The following CRYBG3 variants were observed in gnomAD, a reference collection of about 807,000 sequenced individuals.
CRYBG3 encodes the protein very large A-kinase anchor protein.
Under a neutral mutation model 244.2 loss-of-function variants are expected in CRYBG3, and 127 were observed. That is an observed-to-expected ratio of 0.52 (90% CI 0.45 to 0.60). The LOEUF (loss-of-function observed/expected upper bound fraction) is 0.60, where lower values mean the gene tolerates loss of function less well. Ranked by LOEUF, CRYBG3 falls within the 20% of genes least tolerant of loss-of-function variation. The probability of loss-of-function intolerance (pLI) is 0.00; values close to 1 mark genes in which losing one functional copy is unlikely to be tolerated. For synonymous variants in CRYBG3, 1,132 were observed against 1,195.8 expected (o/e 0.95, Z 1.10); for missense variants, 3,325 against 3,442.5 (o/e 0.97, Z 0.85).
intron 1 of CRYBG3, among the ~76,000 whole-genome samples, chr3:97,839,770 C>G (rs1384473964): frequency 6.9e-6 from 1 of 145,074 alleles, no homozygotes; most frequent in South Asian, 2.1e-4. Flanking sequence ...TTTTTTTTGT[C>G]AAGACAAGGT....
intron 15 of CRYBG3, among the ~76,000 whole-genome samples, chr3:97,907,400 A>G (rs2039790375): frequency 6.6e-6 from 1 of 151,786 alleles, no homozygotes; most frequent in African/African-American, 2.4e-5. Flanking sequence ...TTGGTAATCT[A>G]TTGATTATTG....
chr3:97,892,371 C>G (rs1053490496), intron 10 of CRYBG3, among the ~76,000 whole-genome samples: 1 of 152,074 alleles, frequency 6.6e-6, no homozygotes, highest in Non-Finnish European at 1.5e-5. Context: ...CAAATTGACG[C>G]GGATGGTCTG....
intron 7 of CRYBG3, among the ~76,000 whole-genome samples, chr3:97,885,486 T>C (rs1210249923): frequency 6.6e-6 from 1 of 152,080 alleles, no homozygotes; most frequent in African/African-American, 2.4e-5. Context: ...TACTCATGAG[T>C]ATTGAGATAG....
intron 18 of CRYBG3, among the ~76,000 whole-genome samples, chr3:97,936,281 T>C (rs536155056): frequency 1.3e-5 from 2 of 151,980 alleles, no homozygotes; most frequent in Non-Finnish European, 2.9e-5. Context: ...GAGCTGGGCC[T>C]TGAAGAGGGT....
chr3:97,871,038 A>G (rs1432298556), intron 3 of CRYBG3, among the ~76,000 whole-genome samples: 1 of 152,176 alleles, frequency 6.6e-6, no homozygotes. Context: ...TGCTGGCATT[A>G]AAGGGCAGAG....
chr3:97,848,657 C>T (rs950520746), intron 2 of CRYBG3, among the ~76,000 whole-genome samples: 2 of 152,106 alleles, frequency 1.3e-5, no homozygotes, highest in Non-Finnish European at 2.9e-5. Context: ...AACTCCTGGG[C>T]TCAAGCAATT....
intron 2 of CRYBG3, among the ~76,000 whole-genome samples, chr3:97,856,087 C>T (rs572975904): frequency 1.3e-5 from 2 of 152,128 alleles, no homozygotes; most frequent in African/African-American, 4.8e-5. Context: ...CCATAAGATA[C>T]GGGCACACCT....
At chr3:97,919,626 G>A (rs570583555) in intron 17 of CRYBG3, among the ~76,000 whole-genome samples, 2 of 151,160 alleles carry the variant, frequency 1.3e-5, no homozygotes, top group South Asian at 4.2e-4. Context: ...TCATGCCTAA[G>A]GAAGTTTAAG....
Position 97,944,272 on chromosome 3 carries a change from TTAAG to T in CRYBG3, c.*966_*969del, listed in dbSNP as rs1370379298. 15 of 151,980 alleles carry T rather than the reference TTAAG, an allele frequency of 9.9e-5. No individual in the cohort carries two copies. The highest frequency in any genetic ancestry group is 1.9e-4 in the Non-Finnish European group (13 of 67,898). The allele number at this position is 151,980 out of a possible 1,614,324, so 9.4% of individuals were successfully genotyped here. A position where few individuals can be genotyped will look rare whatever the true frequency, so the allele number is the denominator to read the frequency against. On this transcript the variant is annotated 3_prime_UTR_variant, in exon 22 of 22. Transcript: ENST00000389622. ...CACTCCCATTGTAAGTAACTTTTAT[TTAAG>T]TAAGTAAAATCAGGTAGGAAATCAC...
intron 15 of CRYBG3, among the ~76,000 whole-genome samples, chr3:97,906,159 C>A (rs201421665): frequency 1.4e-5 from 2 of 147,988 alleles, no homozygotes; most frequent in Non-Finnish European, 3.0e-5. Flanking sequence ...CTTGTAGTAT[C>A]GTTTGAAGTC....
chr3:97,908,362 T>G (rs994259167), intron 15 of CRYBG3, among the ~76,000 whole-genome samples: 9 of 152,178 alleles, frequency 5.9e-5, no homozygotes, highest in Admixed American at 1.3e-4. Flanking sequence ...AAGTCTCCCA[T>G]TATTAATATG....
intron 1 of CRYBG3, among the ~76,000 whole-genome samples, chr3:97,822,918 A>G (rs1211648253): frequency 2.0e-5 from 3 of 152,220 alleles, no homozygotes; most frequent in Admixed American, 2.0e-4. Context: ...TTTAAAAGGA[A>G]TTGTGATAAT....
chr3:97,839,701 C>T (rs2038785286), intron 1 of CRYBG3, among the ~76,000 whole-genome samples: 3 of 151,372 alleles, frequency 2.0e-5, no homozygotes, highest in Admixed American at 1.3e-4. Context: ...AGGTGGAGTA[C>T]AGTGGCGTCC....
At chr3:97,931,710 C>T (rs1028564972) in intron 17 of CRYBG3, among the ~76,000 whole-genome samples, 6 of 152,098 alleles carry the variant, frequency 3.9e-5, no homozygotes, top group African/African-American at 1.4e-4. Flanking sequence ...CAAGCCATGA[C>T]TTTTCACATT....
chr3:97,923,178 G>C (rs1377330450), intron 17 of CRYBG3, among the ~76,000 whole-genome samples: 1 of 152,048 alleles, frequency 6.6e-6, no homozygotes, highest in Non-Finnish European at 1.5e-5. Flanking sequence ...TCACACACCA[G>C]GACCTGTCAT....
At position 97,843,206 on chromosome 3, in the gene CRYBG3, A is replaced by G; in HGVS notation, c.161A>G (p.Glu54Gly). The G allele has an allele frequency of 6.6e-7, 1 of 1,517,622 alleles. No individual in the cohort carries two copies. Among genetic ancestry groups the G allele is most frequent in the Non-Finnish European group, 8.8e-7 (1 of 1,136,734 alleles). The allele number at this position is 1,517,622 out of a possible 1,614,324, so 94.0% of individuals were successfully genotyped here. A position where few individuals can be genotyped will look rare whatever the true frequency, so the allele number is the denominator to read the frequency against. ...PGRSAASVEN[E>G]PMSTSQKKEN... is the part of the protein sequence containing the mutation. Reference sequence around the variant, plus strand: ...TTTTTATTTTTCAGTGTTGAAAATGAGCCCATGAGCACAAGTCAGAAAAAG... The same window carrying G: ...TTTTTATTTTTCAGTGTTGAAAATGGGCCCATGAGCACAAGTCAGAAAAAG... Residue 54 changes from glutamate (E) to glycine (G), a missense_variant, in exon 2 of 22, where the codon GAG (glutamate) becomes GGG (glycine). Glu to Gly is a moderately conservative substitution (Grantham distance 98). This residue lies in a region of CRYBG3 where 1,526 missense variants were observed against 1,443.2 expected (regional missense o/e 1.06). Transcript: ENST00000389622.
At chr3:97,893,520 G>A (rs904019943) in intron 11 of CRYBG3, among the ~76,000 whole-genome samples, 5 of 152,216 alleles carry the variant, frequency 3.3e-5, no homozygotes, top group Non-Finnish European at 5.9e-5. Context: ...TGCTACCATC[G>A]CAGTCTTAGT....
intron 12 of CRYBG3, 75 bp downstream of exon 12, chr3:97,896,160 T>C (rs1307066335): frequency 3.7e-6 from 5 of 1,357,130 alleles, no homozygotes; most frequent in Admixed American, 2.1e-5. Context: ...TGACTCCTGA[T>C]AGAACATGAG....
At chr3:97,894,352 T>C (rs2039615608) in intron 11 of CRYBG3, among the ~76,000 whole-genome samples, 1 of 140,020 alleles carries the variant, frequency 7.1e-6, no homozygotes, top group Non-Finnish European at 1.6e-5. Context: ...AAACTTTCAT[T>C]TGTCTGTGAC....
Sources: gnomAD v4.1 joint callset for allele counts (sites outside exome capture counted in the v4.1 genomes callset) on GRCh38, gnomAD v4.1.1 for gene constraint, gnomAD v4.1.1 regional missense constraint, MANE v1.5 for transcripts, NCBI Gene and HGNC (gene_info 2026-07-23, HGNC 2026-07-21) for gene names.